CTTNBP2NL: variants seen among roughly 807,000 people sequenced by gnomAD.
CTTNBP2NL encodes the protein CTTNBP2 N-terminal-like protein.
CTTNBP2NL carries 16 observed loss-of-function variants against 32.5 expected under a neutral mutation model. The observed-to-expected ratio is 0.49, with a 90% CI of 0.33 to 0.75. CTTNBP2NL has a LOEUF of 0.75. CTTNBP2NL is among the 30% of genes least tolerant of loss of function. The pLI is 0.02. For synonymous variants in CTTNBP2NL, 298 were observed against 289.4 expected, an observed-to-expected ratio of 1.03 and a Z score of -0.30; for missense variants, 645 against 756.0, an observed-to-expected ratio of 0.85 and a Z score of 1.72.
chr1:112,426,463 A>T (rs779358398), intron 3 of CTTNBP2NL, among the ~76,000 whole-genome samples: 3 of 152,112 alleles, frequency 2.0e-5, no homozygotes, highest in Non-Finnish European at 4.4e-5. Context: ...AGGTCAAGGC[A>T]GGAGGATCAC....
intron 3 of CTTNBP2NL, among the ~76,000 whole-genome samples, chr1:112,426,010 T>C: frequency 6.8e-6 from 1 of 146,322 alleles, no homozygotes; most frequent in South Asian, 2.2e-4. Context: ...TGTGTCTGTC[T>C]GTCTTACTAC....
chr1:112,414,576 A>T (rs1315262805), intron 2 of CTTNBP2NL: 1 of 152,194 alleles, frequency 6.6e-6, no homozygotes, highest in African/African-American at 2.4e-5. Flanking sequence ...TTACTGGAGG[A>T]TGTGTGAACT....
chr1:112,410,483 CT>C (rs1365350561), intron 1 of CTTNBP2NL, among the ~76,000 whole-genome samples: 4 of 150,776 alleles, frequency 2.7e-5, no homozygotes, highest in South Asian at 2.1e-4. Flanking sequence ...ATATCTTTAT[CT>C]TTTTTATTGT....
chr1:112,407,898 G>A (rs1037248450), intron 1 of CTTNBP2NL, among the ~76,000 whole-genome samples: 1 of 131,456 alleles, frequency 7.6e-6, no homozygotes, highest in African/African-American at 2.9e-5. Context: ...GGGCTGGAGT[G>A]CAGTGACGTA....
chr1:112,440,860 A>G (rs1312787357), intron 3 of CTTNBP2NL, among the ~76,000 whole-genome samples: 1 of 152,198 alleles, frequency 6.6e-6, no homozygotes, highest in Non-Finnish European at 1.5e-5. Flanking sequence ...AGATATGTAA[A>G]AAGCACACTG....
At chr1:112,449,491 G>T (rs1570744540) in intron 4 of CTTNBP2NL, among the ~76,000 whole-genome samples, 1 of 151,586 alleles carries the variant, frequency 6.6e-6, no homozygotes, top group East Asian at 1.9e-4. Context: ...TAGCTGACGG[G>T]AGTGTTCTCT....
chr1:112,410,464 T>A (rs1380467337), intron 1 of CTTNBP2NL, among the ~76,000 whole-genome samples: 2 of 152,178 alleles, frequency 1.3e-5, no homozygotes, highest in Admixed American at 6.5e-5. Flanking sequence ...ATATCTTTTT[T>A]AAAAATAAAT....
At position 112,457,046 on chromosome 1, in the gene CTTNBP2NL, A is replaced by C; in HGVS notation, c.1554A>C (p.Pro518=). The C allele has an allele frequency of 6.2e-7, 1 of 1,614,208 alleles. No individual in the cohort carries two copies. Among genetic ancestry groups the C allele is most frequent in the South Asian group, 1.1e-5 (1 of 91,088 alleles). Residue 518 remains proline (P), a synonymous_variant, in exon 6 of 6, where the codon CCA becomes CCC. Coordinates refer to ENST00000271277, the MANE Select transcript of CTTNBP2NL (RefSeq NM_018704.3). ...VLSRFTSQQG[P]IKPVSPNSSP... is the part of the protein sequence containing the mutation. Reference sequence around the variant, plus strand: ...CCAGATTCACTAGCCAACAAGGGCCAATCAAGCCAGTCTCTCCCAACAGCT... The same window carrying C: ...CCAGATTCACTAGCCAACAAGGGCCCATCAAGCCAGTCTCTCCCAACAGCT...
chr1:112,438,898 T>C (rs1486468339), intron 3 of CTTNBP2NL, among the ~76,000 whole-genome samples: 1 of 152,208 alleles, frequency 6.6e-6, no homozygotes, highest in East Asian at 1.9e-4. Context: ...TTTTACTTTT[T>C]AGTCTTGACG....
At chr1:112,412,904 G>A (rs1300985999) in intron 2 of CTTNBP2NL, among the ~76,000 whole-genome samples, 7 of 152,136 alleles carry the variant, frequency 4.6e-5, no homozygotes, top group Non-Finnish European at 8.8e-5. Context: ...GATTACAGGT[G>A]TGGGTAACCA....
At chr1:112,437,717 G>A (rs1649778762) in intron 3 of CTTNBP2NL, among the ~76,000 whole-genome samples, 1 of 152,060 alleles carries the variant, frequency 6.6e-6, no homozygotes, top group Admixed American at 6.6e-5. Context: ...TAGAGACAGG[G>A]TTTTACCATG....
intron 3 of CTTNBP2NL, among the ~76,000 whole-genome samples, chr1:112,433,414 CA>C (rs1399604074): frequency 6.6e-6 from 1 of 152,078 alleles, no homozygotes. Context: ...GCCAAAATGG[CA>C]AAACCCTGTC....
chr1:112,456,133 T>C lies in CTTNBP2NL; in HGVS notation c.641T>C (p.Val214Ala), dbSNP rs41283048. The part of the protein sequence containing the change: ...SLKLEKEKSR[V>A]SKLEEELAAE... ...AAATTGGAGAAGGAGAAGAGCCGGG[T>C]GAGTAAACTGGAAGAAGAGTTGGCA... The change falls in exon 6 of 6, where the codon GTG (valine) becomes GCG (alanine). Residue 214 changes from valine to alanine, a missense_variant. By Grantham distance (64) the Val-to-Ala change is moderately conservative. Coordinates refer to ENST00000271277, the MANE Select transcript of CTTNBP2NL (RefSeq NM_018704.3). 116 of 1,613,840 alleles carry C rather than the reference T, an allele frequency of 7.2e-5. 1 individual carries two copies. The highest frequency in any genetic ancestry group is 4.7e-4 in the East Asian group (21 of 44,866).
rs1289446716 is a variant in CTTNBP2NL, at chr1:112,456,558, A to G, written c.1066A>G (p.Ile356Val). Residue 356 changes from isoleucine to valine, a missense_variant, in exon 6 of 6, where the codon ATA becomes GTA. By Grantham distance (29) the Ile-to-Val change is conservative. Coordinates refer to ENST00000271277, the MANE Select transcript of CTTNBP2NL (RefSeq NM_018704.3). Reference sequence around the variant, plus strand: ...AACCAATGGCCATTGTGACCCAGAGATACAAACTACCAGGGAGCTGACTGC... The same window carrying G: ...AACCAATGGCCATTGTGACCCAGAGGTACAAACTACCAGGGAGCTGACTGC... ...AKTNGHCDPE[I>V]QTTRELTAGN... 1 of 1,614,062 alleles carries G rather than the reference A, an allele frequency of 6.2e-7. No homozygotes were observed. The highest frequency in any genetic ancestry group is 1.3e-5 in the African/African-American group (1 of 74,928).
chr1:112,393,918 G>T (rs1483697015), upstream of CTTNBP2NL, among the ~76,000 whole-genome samples: 2 of 152,118 alleles, frequency 1.3e-5, no homozygotes, highest in Non-Finnish European at 2.9e-5. Flanking sequence ...GGAAAGAAAG[G>T]AGGACCTGCC....
chr1:112,418,749 C>A (rs1242764280), intron 3 of CTTNBP2NL, among the ~76,000 whole-genome samples: 1 of 152,022 alleles, frequency 6.6e-6, no homozygotes, highest in African/African-American at 2.4e-5. Context: ...TAATTCCAAG[C>A]AAATCTAGTA....
At position 112,412,231 on chromosome 1, in the gene CTTNBP2NL, A is replaced by C. The variant is rs1648892900; in HGVS notation, c.-96A>C. ...TTCCACCATGCTAATGGCATTTTAA[A>C]TATATTTGGCAATTTTCCCAATTTT... is the stretch of plus-strand genomic sequence containing the variant. On this transcript the variant is annotated 5_prime_UTR_variant, in exon 2 of 6. Transcript: ENST00000271277. 6.6e-6 allele frequency: 1 copy of C among 152,168 alleles called. No individual in the cohort carries two copies. The highest frequency in any genetic ancestry group is 1.5e-5 in the Non-Finnish European group (1 of 68,038). The allele number at this position is 152,168 out of a possible 1,614,324, so 9.4% of individuals were successfully genotyped here.
chr1:112,433,686 A>G (rs1649641214), intron 3 of CTTNBP2NL, among the ~76,000 whole-genome samples: 1 of 152,222 alleles, frequency 6.6e-6, no homozygotes, highest in African/African-American at 2.4e-5. Context: ...TATTCTTAAT[A>G]CATTTTTTAT....
At chr1:112,417,474 A>G (rs1244956107) in intron 3 of CTTNBP2NL, among the ~76,000 whole-genome samples, 2 of 152,216 alleles carry the variant, frequency 1.3e-5, no homozygotes, top group Non-Finnish European at 2.9e-5. Flanking sequence ...TTCCTAAAAT[A>G]TATTTTTTTC....
Sources: gnomAD v4.1 joint callset for allele counts (sites outside exome capture counted in the v4.1 genomes callset) on GRCh38, gnomAD v4.1.1 for gene constraint, MANE v1.5 for transcripts, NCBI Gene and HGNC (gene_info 2026-07-23, HGNC 2026-07-21) for gene names.